ZFYVE28: variants seen among roughly 807,000 people sequenced by gnomAD.
The protein encoded by ZFYVE28 is lateral signaling target protein 2 homolog.
ZFYVE28 carries 40 observed loss-of-function variants against 82.1 expected under a neutral mutation model. The ratio of observed to expected loss-of-function variants is 0.49; its 90% CI spans 0.38 to 0.63. The LOEUF (loss-of-function observed/expected upper bound fraction) is 0.63, where lower values mean the gene tolerates loss of function less well. Among genes scored for constraint, ZFYVE28 ranks in the 30% least tolerant of loss-of-function variants. The probability of loss-of-function intolerance (pLI) is 0.00; values close to 1 mark genes in which losing one functional copy is unlikely to be tolerated. For missense variants in ZFYVE28, 1,321 were observed against 1,242.1 expected (o/e 1.06, Z -0.96); for synonymous variants, 612 against 546.1 (o/e 1.12, Z -1.68).
At chr4:2,305,666 G>C in intron 7 of ZFYVE28, 130 bp from the exon 8 acceptor site, 1 of 1,110,338 alleles carries the variant, frequency 9.0e-7, no homozygotes, top group South Asian at 1.6e-5. Context: ...GCTTGCAACT[G>C]AATTCTCAAG....
At chr4:2,350,995 G>T (rs1334134410) in intron 2 of ZFYVE28, among the ~76,000 whole-genome samples, 1 of 152,200 alleles carries the variant, frequency 6.6e-6, no homozygotes, top group East Asian at 1.9e-4. Context: ...GTGTTTCCCT[G>T]AGTTCTGTGA....
At position 2,320,400 on chromosome 4, in the gene ZFYVE28, C is replaced by A. The variant is rs1324020668; in HGVS notation, c.702-129G>T. On this transcript the variant is annotated intron_variant, in intron 6 of 12. Coordinates refer to ENST00000290974, the MANE Select transcript of ZFYVE28 (RefSeq NM_020972.3). The surrounding 1 kb of genome is among the most constrained non-coding windows in gnomAD (Gnocchi z 5.1). ...TGCAGCGCCACTGTCCCAGCACGGCCGCCGCCTCATGCTTTGCCTTGTGTG... is the reference window on the plus strand; with the variant it reads ...TGCAGCGCCACTGTCCCAGCACGGCAGCCGCCTCATGCTTTGCCTTGTGTG... The A allele has an allele frequency of 5.9e-6, 4 of 677,570 alleles. No homozygotes were observed. Among genetic ancestry groups the A allele is most frequent in the Non-Finnish European group, 1.0e-5 (4 of 397,420 alleles). 42.0% of individuals were successfully genotyped at this position (677,570 alleles called of 1,614,324 possible).
chr4:2,272,021 C>G (rs1028650153), intron 10 of ZFYVE28, among the ~76,000 whole-genome samples: 2 of 152,226 alleles, frequency 1.3e-5, no homozygotes, highest in African/African-American at 2.4e-5. Context: ...GCTGCTCCCC[C>G]TGACAGGGGC....
chr4:2,308,634 A>AAAGAAAGAAAGAAAGAAAGG, intron 7 of ZFYVE28, among the ~76,000 whole-genome samples: 1 of 116,516 alleles, frequency 8.6e-6, no homozygotes, highest in Non-Finnish European at 1.8e-5. Flanking sequence ...AGACAGAAAG[A>AAAGAAAGAAAGAAAGAAAGG]AAGAAAGAAA....
rs1391865076 is a variant in ZFYVE28 at position 2,339,264 on chromosome 4, GA to G, written c.521+188del. Among the ~76,000 whole-genome samples the G allele has an allele frequency of 6.6e-6, 1 of 152,164 alleles. No homozygotes were observed. Among genetic ancestry groups the G allele is most frequent in the African/African-American group, 2.4e-5 (1 of 41,436 alleles). On this transcript the variant is annotated intron_variant, in intron 4 of 12. Coordinates refer to ENST00000290974, the MANE Select transcript of ZFYVE28 (RefSeq NM_020972.3). This position sits in a 1 kb window ranked among gnomAD's most constrained non-coding sequence, Gnocchi z 5.0. ...TCCTCTGTGCTCACCCCACTCCCTG[GA>G]AAGATGCCCCACCTCACCTCCACGC...
At chr4:2,298,560 G>A (rs1180393686) in intron 8 of ZFYVE28, among the ~76,000 whole-genome samples, 2 of 152,218 alleles carry the variant, frequency 1.3e-5, no homozygotes, top group East Asian at 1.9e-4. Context: ...ACAGGGTTGG[G>A]GCAGAGGCTT....
chr4:2,304,338 C>T lies in ZFYVE28; in HGVS notation c.2002G>A (p.Ala668Thr), dbSNP rs1392465123. 6.2e-7 allele frequency: 1 copy of T among 1,605,984 alleles called. No homozygotes were observed. Among genetic ancestry groups the T allele is most frequent in the Non-Finnish European group, 8.5e-7 (1 of 1,179,158 alleles). ...QQEPEARELH[A>T]GSPSAHEAPQ... ...GCCTCGTGAGCCGAGGGGCTCCCAGCATGCAGCTCTCTGGCCTCTGGCTCC... is the reference window on the plus strand; with the variant it reads ...GCCTCGTGAGCCGAGGGGCTCCCAGTATGCAGCTCTCTGGCCTCTGGCTCC... Residue 668 changes from alanine to threonine, a missense_variant, in exon 8 of 13, where the codon GCT becomes ACT. Physicochemically the swap from Ala to Thr is moderately conservative, Grantham distance 58. Around this residue, in one of 2 missense-constraint regions of ZFYVE28, gnomAD observed 978 missense variants for 833.7 expected, o/e 1.17. Coordinates refer to ENST00000290974, the MANE Select transcript of ZFYVE28 (RefSeq NM_020972.3).
intron 7 of ZFYVE28, among the ~76,000 whole-genome samples, chr4:2,318,121 C>G (rs1718498297): frequency 6.6e-6 from 1 of 152,206 alleles, no homozygotes; most frequent in Admixed American, 6.5e-5. Flanking sequence ...GCCTGGGAAG[C>G]CTGGGCCCTG....
chr4:2,380,486 A>G (rs1728618319), intron 1 of ZFYVE28, among the ~76,000 whole-genome samples: 1 of 152,204 alleles, frequency 6.6e-6, no homozygotes, highest in Admixed American at 6.5e-5. Context: ...GTCCTTCTTC[A>G]ATTTTATTGA....
intron 1 of ZFYVE28, among the ~76,000 whole-genome samples, chr4:2,395,859 C>T (rs1386114490): frequency 6.6e-6 from 1 of 152,170 alleles, no homozygotes; most frequent in East Asian, 1.9e-4. Context: ...CTCTTTCTCA[C>T]CCAAGGCACT....
At chr4:2,406,061 A>AAG (rs1553867813) in intron 1 of ZFYVE28, among the ~76,000 whole-genome samples, 13 of 114,366 alleles carry the variant, frequency 1.1e-4, no homozygotes, top group South Asian at 8.9e-4. Context: ...AAAAAAAAAA[A>AAG]AAAAGAAAGA....
intron 6 of ZFYVE28, chr4:2,330,509 C>G: frequency 9.1e-7 from 1 of 1,093,186 alleles, no homozygotes; most frequent in South Asian, 2.4e-5. Context: ...CAGAGGAGCA[C>G]AGGGGAGAGG....
intron 1 of ZFYVE28, among the ~76,000 whole-genome samples, chr4:2,371,897 G>A (rs1727597470): frequency 6.6e-6 from 1 of 152,052 alleles, no homozygotes; most frequent in Admixed American, 6.5e-5. Flanking sequence ...CAGGATGAAG[G>A]TTGGGCTCCA....
rs1716355466 is a variant in ZFYVE28, at chr4:2,305,134, G to A, written c.1206C>T (p.Phe402=). The change falls in exon 8 of 13, where the codon TTC becomes TTT. Residue 402 remains phenylalanine (F), a synonymous_variant. Coordinates refer to ENST00000290974, the MANE Select transcript of ZFYVE28 (RefSeq NM_020972.3). ...SGSDEEERVF[F]MDDVEGTAEA... is the part of the protein sequence containing the mutation. ...CTGCCGTCCCCTCCACGTCATCCAT[G>A]AAGAACACGCGCTCCTCCTCGTCAC... 5.0e-6 allele frequency: 8 copies of A among 1,591,012 alleles called. No individual in the cohort carries two copies. The highest frequency in any genetic ancestry group is 1.3e-5 in the African/African-American group (1 of 74,562).
chr4:2,394,090 C>T lies in ZFYVE28; in HGVS notation c.39+24195G>A, dbSNP rs1260462732. The stretch of plus-strand genomic sequence containing the variant: ...GACCTTCAGAGCCAGCGGCATTGCA[C>T]GTCTACAGCCTTCTTCCCAGGCCCA... On this transcript the variant is annotated intron_variant, in intron 1 of 12. Coordinates refer to ENST00000290974, the MANE Select transcript of ZFYVE28 (RefSeq NM_020972.3). This position sits in a 1 kb window ranked among gnomAD's most constrained non-coding sequence, Gnocchi z 4.0. 6.6e-6 allele frequency among the ~76,000 whole-genome samples: 1 copy of T among 152,204 alleles called. No individual in the cohort carries two copies. The highest frequency in any genetic ancestry group is 1.5e-5 in the Non-Finnish European group (1 of 68,026).
Position 2,274,062 on chromosome 4 carries a change from C to T in ZFYVE28, c.2206G>A (p.Gly736Ser), listed in dbSNP as rs1289104533. 2 of 1,613,978 alleles carry T rather than the reference C, an allele frequency of 1.2e-6. No homozygotes were observed. Among genetic ancestry groups the T allele is most frequent in the African/African-American group, 1.3e-5 (1 of 75,046 alleles). Residue 736 changes from glycine (G) to serine (S), a missense_variant and splice_region_variant, in exon 9 of 13, where the codon GGT becomes AGT. By Grantham distance (56) the Gly-to-Ser change is moderately conservative. This residue lies in a region of ZFYVE28 where 978 missense variants were observed against 833.7 expected (regional missense o/e 1.17). Coordinates refer to ENST00000290974, the MANE Select transcript of ZFYVE28 (RefSeq NM_020972.3). ...CCGGTCTCAGGCCCTGACATGACAC[C>T]TGAAATGCAGACGAACAGGCGGTGG... ...LIHRLFVCIS[G>S]VADQLQTNYA...
At chr4:2,297,424 C>T (rs550442443) in intron 8 of ZFYVE28, among the ~76,000 whole-genome samples, 25 of 152,308 alleles carry the variant, frequency 1.6e-4, no homozygotes, top group East Asian at 1.9e-4. Flanking sequence ...CCAGGCCACA[C>T]GGAGGAGTCG....
chr4:2,383,289 A>G (rs972663305), intron 1 of ZFYVE28, among the ~76,000 whole-genome samples: 1 of 152,000 alleles, frequency 6.6e-6, no homozygotes, highest in Non-Finnish European at 1.5e-5. Context: ...TGGTTCCCCC[A>G]TACTGTTCTC....
chr4:2,404,623 A>G (rs966149049), intron 1 of ZFYVE28, among the ~76,000 whole-genome samples: 1 of 152,236 alleles, frequency 6.6e-6, no homozygotes, highest in Non-Finnish European at 1.5e-5. Context: ...AAACGTCCAG[A>G]ACAGGCAAAT....
Sources: allele counts gnomAD v4.1 joint callset (sites outside exome capture counted in the v4.1 genomes callset), GRCh38; gene constraint gnomAD v4.1.1; regional missense constraint gnomAD v4.1.1; non-coding constraint Gnocchi (gnomAD v3.1); transcripts MANE v1.5; gene names NCBI Gene and HGNC (gene_info 2026-07-23, HGNC 2026-07-21).